Variants in CFAP36 observed in about 807,000 individuals in gnomAD.
CFAP36 encodes the protein cilia and flagella associated protein 36, also known as cilia- and flagella-associated protein 36.
A neutral mutation model predicts 50.5 loss-of-function variants in CFAP36; 37 were observed. The observed-to-expected ratio is 0.73, with a 90% CI of 0.56 to 0.96. The LOEUF (loss-of-function observed/expected upper bound fraction) is 0.96, where lower values mean the gene tolerates loss of function less well. Among genes scored for constraint, CFAP36 ranks in the 50% least tolerant of loss-of-function variants. CFAP36 has a pLI of 0.00. For synonymous variants in CFAP36, 138 were observed against 128.2 expected (o/e 1.08, Z -0.52); for missense variants, 407 against 396.2 (o/e 1.03, Z -0.23).
chr2:55,541,557 G>A (rs1365727284), intron 7 of CFAP36, among the ~76,000 whole-genome samples: 1 of 152,076 alleles, frequency 6.6e-6, no homozygotes, highest in Non-Finnish European at 1.5e-5. Context: ...TTATTAATTT[G>A]TATCCTGTAA....
intron 7 of CFAP36, among the ~76,000 whole-genome samples, chr2:55,540,806 T>A (rs1349819040): frequency 6.6e-6 from 1 of 151,562 alleles, no homozygotes; most frequent in Non-Finnish European, 1.5e-5. Context: ...AGCTCAGGAG[T>A]TCAAAACCAG....
intron 7 of CFAP36, among the ~76,000 whole-genome samples, chr2:55,540,241 C>G (rs2103666529): frequency 6.6e-6 from 1 of 152,210 alleles, no homozygotes; most frequent in East Asian, 1.9e-4. Flanking sequence ...ATGTTATCTT[C>G]TAGGATTTTT....
intron 3 of CFAP36, among the ~76,000 whole-genome samples, chr2:55,528,465 G>T (rs1243469622): frequency 6.6e-6 from 1 of 151,768 alleles, no homozygotes; most frequent in African/African-American, 2.4e-5. Context: ...TGCGATCTTG[G>T]CTCACTGCAA....
At chr2:55,522,036 T>C in intron 1 of CFAP36, 66 bp from the exon 2 acceptor site, 1 of 804,660 alleles carries the variant, frequency 1.2e-6, no homozygotes, top group Non-Finnish European at 2.0e-6. Context: ...AAGGAGTGGA[T>C]TTTTAAATTT....
chr2:55,529,135 T>C (rs1432749066), intron 4 of CFAP36, 143 bp downstream of exon 4: 4 of 641,014 alleles, frequency 6.2e-6, no homozygotes, highest in Non-Finnish European at 2.6e-6. Context: ...GATTTTAGAG[T>C]ATATGGCTGG....
chr2:55,541,904 ATTAAT>A (rs1048877453), intron 7 of CFAP36, among the ~76,000 whole-genome samples: 1 of 152,190 alleles, frequency 6.6e-6, no homozygotes, highest in African/African-American at 2.4e-5. Flanking sequence ...GAGAGCACCC[ATTAAT>A]TTTAAGGAGT....
At chr2:55,536,269 A>T (rs1214341251) in intron 6 of CFAP36, among the ~76,000 whole-genome samples, 1 of 150,662 alleles carries the variant, frequency 6.6e-6, no homozygotes, top group African/African-American at 2.5e-5. Context: ...AGTAGCTGGG[A>T]TTACAAGCGT....
Position 55,537,447 on chromosome 2 carries a change from G to T in CFAP36, c.538-36G>T, listed in dbSNP as rs562361494. On this transcript the variant is annotated intron_variant, in intron 6 of 9. Coordinates refer to ENST00000349456, the MANE Select transcript of CFAP36 (RefSeq NM_080667.7). ...ATTAGTTAAAATGAATCTAAATTGT[G>T]TGTTTTTTAAAAAATTGTATTATGG... 586 of 1,351,714 alleles carry T rather than the reference G, an allele frequency of 4.3e-4. 8 individuals are homozygous for T. The South Asian group carries it at 6.0e-3, about 14-fold the overall frequency. 83.7% of individuals were successfully genotyped at this position (1,351,714 alleles called of 1,614,324 possible).
intron 1 of CFAP36, among the ~76,000 whole-genome samples, chr2:55,521,874 C>T (rs960535079): frequency 6.6e-6 from 1 of 152,188 alleles, no homozygotes; most frequent in East Asian, 1.9e-4. Flanking sequence ...AGGTGATCCA[C>T]CCACCTTGGC....
In CFAP36 at chr2:55,536,806, G is replaced by A. The variant is rs562299662; in HGVS notation, c.538-677G>A. 4.0e-5 allele frequency among the ~76,000 whole-genome samples: 6 copies of A among 151,876 alleles called. No homozygotes were observed. In the East Asian group the frequency reaches 5.8e-4, roughly 15 times the overall value. On this transcript the variant is annotated intron_variant, in intron 6 of 9. Transcript: ENST00000349456. The stretch of plus-strand genomic sequence containing the variant: ...ATTGCCCAGGCTAGAGTGCAGTGGC[G>A]TGATCTTGGCTCACTGCAACCTCTG...
intron 4 of CFAP36, 109 bp downstream of exon 4, chr2:55,529,101 T>G: frequency 2.6e-6 from 2 of 756,688 alleles, no homozygotes; most frequent in South Asian, 4.1e-5. Context: ...TTATTTCAAG[T>G]TTGAAAGACT....
chr2:55,539,082 C>T (rs1476422215), intron 7 of CFAP36: 2 of 378,952 alleles, frequency 5.3e-6, no homozygotes, highest in Non-Finnish European at 8.5e-6. Context: ...AAAAGTAGTA[C>T]ATTTGTTACG....
chr2:55,530,254 G>A (rs931550057), intron 4 of CFAP36, among the ~76,000 whole-genome samples: 2 of 152,188 alleles, frequency 1.3e-5, no homozygotes, highest in Non-Finnish European at 2.9e-5. Flanking sequence ...CATGTAAGAC[G>A]TGATTGCTCC....
At chr2:55,522,732 T>A (rs1019304232) in intron 2 of CFAP36, among the ~76,000 whole-genome samples, 3 of 152,132 alleles carry the variant, frequency 2.0e-5, no homozygotes, top group Admixed American at 2.0e-4. Flanking sequence ...GTGATCCACC[T>A]GCCTGGGCCT....
At chr2:55,524,460 T>C in intron 3 of CFAP36, among the ~76,000 whole-genome samples, 1 of 124,268 alleles carries the variant, frequency 8.0e-6, no homozygotes, top group East Asian at 2.5e-4. Flanking sequence ...AGAGACAGGG[T>C]CTTGCTGTGT....
chr2:55,539,009 A>C (rs1684565074), intron 7 of CFAP36: 1 of 1,168,900 alleles, frequency 8.6e-7, no homozygotes, highest in Non-Finnish European at 1.1e-6. Flanking sequence ...GAAGGTACAG[A>C]GATTTCCCCC....
At chr2:55,530,919 A>G (rs1684336870) in intron 4 of CFAP36, 1 of 152,326 alleles carries the variant, frequency 6.6e-6, no homozygotes, top group South Asian at 2.1e-4. Context: ...AACATGCAAC[A>G]ATAGGGCTTC....
intron 6 of CFAP36, among the ~76,000 whole-genome samples, chr2:55,536,485 C>CT (rs548244876): frequency 5.1e-4 from 77 of 152,094 alleles, no homozygotes; most frequent in Non-Finnish European, 9.9e-4. Flanking sequence ...CAGTCTCACT[C>CT]TGACACCTGG....
intron 3 of CFAP36, among the ~76,000 whole-genome samples, chr2:55,525,261 G>A (rs756522347): frequency 3.3e-5 from 5 of 152,088 alleles, no homozygotes; most frequent in African/African-American, 7.2e-5. Flanking sequence ...AAACCAGCCT[G>A]GACAACATAG....
Sources: allele counts gnomAD v4.1 joint callset (sites outside exome capture counted in the v4.1 genomes callset), GRCh38; gene constraint gnomAD v4.1.1; transcripts MANE v1.5; gene names NCBI Gene and HGNC (gene_info 2026-07-23, HGNC 2026-07-21).